WIPF3: variants seen among roughly 807,000 people sequenced by gnomAD.
The protein encoded by WIPF3 is WAS/WASL interacting protein family member 3.
Under a neutral mutation model 38.9 loss-of-function variants are expected in WIPF3, and 33 were observed. That is an observed-to-expected ratio of 0.85 (90% CI 0.64 to 1.14). The LOEUF (loss-of-function observed/expected upper bound fraction) is 1.14, where lower values mean the gene tolerates loss of function less well. Ranked by LOEUF, WIPF3 falls within the 50% of genes most tolerant of loss-of-function variation. WIPF3 has a pLI of 0.00. For missense variants in WIPF3, 711 were observed against 652.5 expected (o/e 1.09, Z -0.98); for synonymous variants, 324 against 269.3 (o/e 1.20, Z -1.99).
At chr7:29,875,775 C>T (rs1785579317) in intron 2 of WIPF3, 55 bp from the exon 3 acceptor site, 1 of 1,589,924 alleles carries the variant, frequency 6.3e-7, no homozygotes. Context: ...GCAGACAGGA[C>T]ATTTTGCTTA....
At chr7:29,887,066 C>A (rs1003238232) in intron 5 of WIPF3, among the ~76,000 whole-genome samples, 1 of 152,174 alleles carries the variant, frequency 6.6e-6, no homozygotes, top group Non-Finnish European at 1.5e-5. Context: ...ACATGAGACA[C>A]GAGGATGGCG....
chr7:29,839,085 G>T (rs901769371), intron 2 of WIPF3, among the ~76,000 whole-genome samples: 2 of 152,184 alleles, frequency 1.3e-5, no homozygotes, highest in Admixed American at 1.3e-4. Flanking sequence ...GGCACCCTTT[G>T]GGAGGAGAGT....
At chr7:29,885,343 CCA>C (rs1785853654) in intron 5 of WIPF3, among the ~76,000 whole-genome samples, 1 of 152,180 alleles carries the variant, frequency 6.6e-6, no homozygotes, top group Non-Finnish European at 1.5e-5. Flanking sequence ...ACACCCACAT[CCA>C]CACAGGCAGA....
chr7:29,916,210 G>GTTTT lies in WIPF3; in HGVS notation c.*1694_*1695insTTTT, dbSNP rs1786611959. On this transcript the variant is annotated 3_prime_UTR_variant, in exon 9 of 9. Coordinates refer to ENST00000242140, the MANE Select transcript of WIPF3 (RefSeq NM_001080529.3). ...TAACTAATTTGTTTTATTGGTTCTGGAAGATTTCCAAAAAGCCAGAATTTA... is the reference window on the plus strand; with the variant it reads ...TAACTAATTTGTTTTATTGGTTCTGGTTTTAAGATTTCCAAAAAGCCAGAATTTA... 6.6e-6 allele frequency: 1 copy of GTTTT among 152,168 alleles called. No individual in the cohort carries two copies. The highest frequency in any genetic ancestry group is 2.4e-5 in the African/African-American group (1 of 41,446). 9.4% of individuals were successfully genotyped at this position (152,168 alleles called of 1,614,324 possible). A position where few individuals can be genotyped will look rare whatever the true frequency, so the allele number is the denominator to read the frequency against.
chr7:29,895,498 C>T (rs1209833426), intron 7 of WIPF3, among the ~76,000 whole-genome samples: 1 of 152,170 alleles, frequency 6.6e-6, no homozygotes, highest in East Asian at 1.9e-4. Flanking sequence ...AGGATGGAAG[C>T]ACTGATACAT....
At chr7:29,826,461 T>A (rs1784617313) in intron 1 of WIPF3, among the ~76,000 whole-genome samples, 1 of 152,166 alleles carries the variant, frequency 6.6e-6, no homozygotes, top group African/African-American at 2.4e-5. Context: ...AGATCACTGT[T>A]CCCCAAAGCC....
chr7:29,853,788 A>G (rs1379769697), intron 2 of WIPF3, among the ~76,000 whole-genome samples: 1 of 152,218 alleles, frequency 6.6e-6, no homozygotes, highest in Non-Finnish European at 1.5e-5. Context: ...AGACTAATTG[A>G]ATTAATACAT....
Position 29,884,361 on chromosome 7 carries a change from T to TGCCCCCCCCCCC in WIPF3, c.867_868insGCCCCCCCCCCC (p.Pro289_Pro290insAlaProProPro). 2.3e-6 allele frequency: 3 copies of TGCCCCCCCCCCC among 1,317,910 alleles called. No homozygotes were observed. Among genetic ancestry groups the TGCCCCCCCCCCC allele is most frequent in the Non-Finnish European group, 2.9e-6 (3 of 1,017,944 alleles). The allele number at this position is 1,317,910 out of a possible 1,614,324, so 81.6% of individuals were successfully genotyped here. On this transcript the variant is annotated inframe_insertion, in exon 5 of 9. Coordinates refer to ENST00000242140, the MANE Select transcript of WIPF3 (RefSeq NM_001080529.3). ...GCCCTGCGCAAGATGCGCAGGAGCC[T>TGCCCCCCCCCCC]CCCGCCCCGCCGCCCCCGCTCCCCC...
chr7:29,814,687 T>C (rs1451455086), intron 1 of WIPF3, among the ~76,000 whole-genome samples: 1 of 152,252 alleles, frequency 6.6e-6, no homozygotes, highest in Non-Finnish European at 1.5e-5. Flanking sequence ...TAACATCTGT[T>C]GTGAAGAGTT....
At chr7:29,839,109 T>G (rs756375735) in intron 2 of WIPF3, among the ~76,000 whole-genome samples, 2 of 152,128 alleles carry the variant, frequency 1.3e-5, no homozygotes, top group Non-Finnish European at 2.9e-5. Context: ...GGACTCAGGA[T>G]CAGAAAGGCC....
At chr7:29,811,254 T>TGATG (rs1784370495) in intron 1 of WIPF3, among the ~76,000 whole-genome samples, 2 of 148,976 alleles carry the variant, frequency 1.3e-5, no homozygotes, top group African/African-American at 2.5e-5. Flanking sequence ...AATTAGCCAT[T>TGATG]ATGATGATGA....
At chr7:29,858,349 A>G (rs1785221461) in intron 2 of WIPF3, among the ~76,000 whole-genome samples, 1 of 152,198 alleles carries the variant, frequency 6.6e-6, no homozygotes, top group Admixed American at 6.5e-5. Context: ...CTGAAATACC[A>G]AGGAGGCAGA....
intron 1 of WIPF3, among the ~76,000 whole-genome samples, chr7:29,828,588 G>T (rs1784662388): frequency 6.6e-6 from 1 of 152,208 alleles, no homozygotes; most frequent in African/African-American, 2.4e-5. Context: ...GCTTTTGGAA[G>T]AGGGAAGTAG....
intron 1 of WIPF3, among the ~76,000 whole-genome samples, chr7:29,816,452 T>G (rs1221891101): frequency 6.6e-6 from 1 of 152,116 alleles, no homozygotes; most frequent in Non-Finnish European, 1.5e-5. Flanking sequence ...CCTGAGTAGC[T>G]GGGACTACAA....
chr7:29,865,310 A>G (rs565333435), intron 2 of WIPF3, among the ~76,000 whole-genome samples: 51 of 152,264 alleles, frequency 3.3e-4, no homozygotes, highest in African/African-American at 1.2e-3. Flanking sequence ...GGCAGACTGG[A>G]CCCAGATGCT....
At chr7:29,833,523 G>A (rs1277803735) in intron 1 of WIPF3, among the ~76,000 whole-genome samples, 1 of 152,170 alleles carries the variant, frequency 6.6e-6, no homozygotes, top group East Asian at 1.9e-4. Flanking sequence ...TCACATAATT[G>A]CCATTTATAA....
At chr7:29,885,929 T>C (rs954620479) in intron 5 of WIPF3, among the ~76,000 whole-genome samples, 1 of 152,232 alleles carries the variant, frequency 6.6e-6, no homozygotes, top group African/African-American at 2.4e-5. Flanking sequence ...CACGTTTACA[T>C]GGTTAATACC....
intron 2 of WIPF3, among the ~76,000 whole-genome samples, chr7:29,836,489 T>A (rs1433575093): frequency 1.3e-5 from 2 of 152,234 alleles, no homozygotes; most frequent in Non-Finnish European, 2.9e-5. Flanking sequence ...TATCATAGTT[T>A]TCCCCTGGTA....
At chr7:29,876,200 A>T (rs1327100474) in intron 3 of WIPF3, among the ~76,000 whole-genome samples, 2 of 152,258 alleles carry the variant, frequency 1.3e-5, no homozygotes, top group Non-Finnish European at 1.5e-5. Flanking sequence ...ACAACTCTGC[A>T]ATGGGACACC....
Sources: allele counts gnomAD v4.1 joint callset (sites outside exome capture counted in the v4.1 genomes callset), GRCh38; gene constraint gnomAD v4.1.1; transcripts MANE v1.5; gene names NCBI Gene and HGNC (gene_info 2026-07-23, HGNC 2026-07-21).